SRCIN1: variants seen among roughly 807,000 people sequenced by gnomAD.
SRCIN1 encodes the protein SRC kinase signaling inhibitor 1, also known as P130Cas-associated protein.
A neutral mutation model predicts 116.2 loss-of-function variants in SRCIN1; 50 were observed. That is an observed-to-expected ratio of 0.43 (90% CI 0.34 to 0.54). SRCIN1 has a LOEUF of 0.54. SRCIN1 is among the 20% of genes least tolerant of loss of function. The pLI is 0.02. For synonymous variants in SRCIN1, 736 were observed against 750.0 expected, an observed-to-expected ratio of 0.98 and a Z score of 0.30; for missense variants, 1,446 against 1,672.0, an observed-to-expected ratio of 0.86 and a Z score of 2.36.
At chr17:38,550,708 C>T (rs999805791) in intron 15 of SRCIN1, among the ~76,000 whole-genome samples, 1 of 152,146 alleles carries the variant, frequency 6.6e-6, no homozygotes, top group Non-Finnish European at 1.5e-5. Flanking sequence ...ATATGCATTG[C>T]AGGAATGAAT....
At position 38,533,123 on chromosome 17, in the gene SRCIN1, AACACC is replaced by A; in HGVS notation, c.*169_*173del. ...AAAAAAAAAAAAAAACAAAACCAAAAACACCAACAGATGATGGGTAGGGGTCGCTG... is the reference window on the plus strand; with the variant it reads ...AAAAAAAAAAAAAAACAAAACCAAAAAACAGATGATGGGTAGGGGTCGCTG... On this transcript the variant is annotated 3_prime_UTR_variant, in exon 19 of 19. Transcript: ENST00000617146. 1 of 562,054 alleles carries A rather than the reference AACACC, an allele frequency of 1.8e-6. No individual in the cohort carries two copies. Among genetic ancestry groups the A allele is most frequent in the Non-Finnish European group, 2.6e-6 (1 of 381,664 alleles). 34.8% of individuals were successfully genotyped at this position (562,054 alleles called of 1,614,324 possible).
intron 2 of SRCIN1, among the ~76,000 whole-genome samples, chr17:38,576,278 C>A (rs928193894): frequency 5.3e-5 from 8 of 152,242 alleles, no homozygotes; most frequent in South Asian, 4.1e-4. Context: ...TTTACCACAC[C>A]ACGAGACACA....
At chr17:38,575,820 G>A (rs1469448080) in intron 2 of SRCIN1, among the ~76,000 whole-genome samples, 3 of 152,110 alleles carry the variant, frequency 2.0e-5, no homozygotes, top group Non-Finnish European at 4.4e-5. Flanking sequence ...TCTAGGACCT[G>A]TTTCCCGTGG....
intron 1 of SRCIN1, among the ~76,000 whole-genome samples, chr17:38,583,551 T>TTTTG (rs747922749): frequency 0.06 from 6,386 of 107,034 alleles, 207 homozygotes; most frequent in South Asian, 0.1. Context: ...ATTTTCTGTT[T>TTTTG]TTTTTTTTTT....
At chr17:38,598,200 T>C (rs1243040900) in intron 1 of SRCIN1, among the ~76,000 whole-genome samples, 2 of 151,784 alleles carry the variant, frequency 1.3e-5, no homozygotes, top group Non-Finnish European at 2.9e-5. Context: ...GGGACAAGAA[T>C]GGGGGACTCA....
In SRCIN1 at chr17:38,552,840, C is replaced by T. The variant is rs529942999; in HGVS notation, c.2217G>A (p.Ser739=). ...ACACGTCTCTCTGGATCTTCTCCACCGATTTCTCCAGGTCACTGCAGCCAC... is the reference window on the plus strand; with the variant it reads ...ACACGTCTCTCTGGATCTTCTCCACTGATTTCTCCAGGTCACTGCAGCCAC... ...ITQQLNDLEK[S]VEKIQRDVSH... Residue 739 remains serine (S), a synonymous_variant, in exon 12 of 19, where the codon TCG becomes TCA. Coordinates refer to ENST00000617146, the MANE Select transcript of SRCIN1 (RefSeq NM_025248.3). The surrounding 1 kb of genome is among the most constrained non-coding windows in gnomAD (Gnocchi z 5.3). 30 of 1,613,946 alleles carry T rather than the reference C, an allele frequency of 1.9e-5. No homozygotes were observed. Among genetic ancestry groups the T allele is most frequent in the African/African-American group, 1.3e-4 (10 of 75,046 alleles).
Position 38,552,974 on chromosome 17 carries a change from G to T in SRCIN1, c.2202-119C>A. 1 of 1,471,258 alleles carries T rather than the reference G, an allele frequency of 6.8e-7. No individual in the cohort carries two copies. Among genetic ancestry groups the T allele is most frequent in the Non-Finnish European group, 9.1e-7 (1 of 1,099,152 alleles). 91.1% of individuals were successfully genotyped at this position (1,471,258 alleles called of 1,614,324 possible). ...GTTGGATCGAAAGTAAAAGCAGGAG[G>T]CTGGGCACCGTGGCTCACGCCCGTA... On this transcript the variant is annotated intron_variant, in intron 11 of 18. Coordinates refer to ENST00000617146, the MANE Select transcript of SRCIN1 (RefSeq NM_025248.3). The surrounding 1 kb of genome is among the most constrained non-coding windows in gnomAD (Gnocchi z 5.3).
chr17:38,605,483 G>A (rs924167039), intron 1 of SRCIN1, among the ~76,000 whole-genome samples: 2 of 149,540 alleles, frequency 1.3e-5, no homozygotes, highest in African/African-American at 4.9e-5. Context: ...TCTCGCCCGG[G>A]TCCTTCTCCC....
Position 38,568,292 on chromosome 17 carries a change from C to A in SRCIN1, c.325-61G>T, listed in dbSNP as rs1424186189. 5 of 1,567,686 alleles carry A rather than the reference C, an allele frequency of 3.2e-6. No homozygotes were observed. The highest frequency in any genetic ancestry group is 1.8e-5 in the Admixed American group (1 of 56,952). ...GGGGCCCAGGAGGGGAAAAGAGGGGCAGGGGCAGGTTAGAGACCCTTGGAA... is the reference window on the plus strand; with the variant it reads ...GGGGCCCAGGAGGGGAAAAGAGGGGAAGGGGCAGGTTAGAGACCCTTGGAA... On this transcript the variant is annotated intron_variant, in intron 2 of 18. Coordinates refer to ENST00000617146, the MANE Select transcript of SRCIN1 (RefSeq NM_025248.3). The surrounding 1 kb of genome is among the most constrained non-coding windows in gnomAD (Gnocchi z 4.5).
upstream of SRCIN1, among the ~76,000 whole-genome samples, chr17:38,606,178 GCTTCGTCCCACC>G: frequency 6.6e-6 from 1 of 151,808 alleles, no homozygotes; most frequent in African/African-American, 2.4e-5. This position sits in a 1 kb window ranked among gnomAD's most constrained non-coding sequence, Gnocchi z 5.2. Context: ...CGCGCCACCT[GCTTCGTCCCACC>G]CCAAGTAGTC....
At position 38,586,282 on chromosome 17, in the gene SRCIN1, C is replaced by A. The variant is rs191881801; in HGVS notation, c.23-7491G>T. ...CGAGGCCAGGGAGGATCGAGGCCAT[C>A]CCCCCAGCGTGGGCCCTGCCCACTC... On this transcript the variant is annotated intron_variant, in intron 1 of 18. Transcript: ENST00000617146. 1.2e-3 allele frequency among the ~76,000 whole-genome samples: 190 copies of A among 152,294 alleles called. 1 individual carries two copies. Among genetic ancestry groups the A allele is most frequent in the African/African-American group, 4.4e-3 (182 of 41,568 alleles).
rs1906317098 is a variant in SRCIN1, at chr17:38,562,225, G to A, written c.938C>T (p.Pro313Leu). 1 of 1,444,300 alleles carries A rather than the reference G, an allele frequency of 6.9e-7. No homozygotes were observed. Among genetic ancestry groups the A allele is most frequent in the Non-Finnish European group, 9.0e-7 (1 of 1,108,532 alleles). The allele number at this position is 1,444,300 out of a possible 1,614,324, so 89.5% of individuals were successfully genotyped here. A position where few individuals can be genotyped will look rare whatever the true frequency, so the allele number is the denominator to read the frequency against. The change falls in exon 7 of 19, where the codon CCG (proline) becomes CTG (leucine). Residue 313 changes from proline (P) to leucine (L), a missense_variant. Physicochemically the swap from Pro to Leu is moderately conservative, Grantham distance 98 (BLOSUM62 -3). This residue lies in a region of SRCIN1 where 239 missense variants were observed against 317.7 expected (regional missense o/e 0.75). Transcript: ENST00000617146. This position sits in a 1 kb window ranked among gnomAD's most constrained non-coding sequence, Gnocchi z 4.2. ...CTGCAGCCCGGACGGCAGCCCCGACGGCAGCCCGGGCGGCGGCGAGCCGGA... is the reference window on the plus strand; with the variant it reads ...CTGCAGCCCGGACGGCAGCCCCGACAGCAGCCCGGGCGGCGGCGAGCCGGA... ...LASGSPPPGL[P>L]SGLPSGLQSG...
rs533924905 is a variant in SRCIN1 at position 38,563,584 on chromosome 17, C to G, written c.542-63G>C. 6.5e-6 allele frequency: 10 copies of G among 1,533,888 alleles called. No individual in the cohort carries two copies. The highest frequency in any genetic ancestry group is 8.7e-6 in the Non-Finnish European group (10 of 1,143,434). On this transcript the variant is annotated intron_variant, in intron 4 of 18. Coordinates refer to ENST00000617146, the MANE Select transcript of SRCIN1 (RefSeq NM_025248.3). This position sits in a 1 kb window ranked among gnomAD's most constrained non-coding sequence, Gnocchi z 5.8. ...GTCTCCACGCCGCCCTCCAGGAGAG[C>G]GCGGGGAGCTTTTCGGAGCTGCGCC...
chr17:38,550,416 C>T (rs1349085928), intron 15 of SRCIN1, among the ~76,000 whole-genome samples: 1 of 152,132 alleles, frequency 6.6e-6, no homozygotes, highest in Non-Finnish European at 1.5e-5. Flanking sequence ...ATGGCGAGAA[C>T]CCAGGAGGCG....
At chr17:38,559,153 A>T in intron 10 of SRCIN1, 1 of 193,852 alleles carries the variant, frequency 5.2e-6, no homozygotes, top group Middle Eastern at 2.0e-3. Flanking sequence ...AGGGCCGGGG[A>T]GACTGTTGGG....
rs761480702 is a variant in SRCIN1, at chr17:38,559,716, G to A, written c.1894C>T (p.Pro632Ser). The A allele has an allele frequency of 3.8e-6, 6 of 1,571,364 alleles. No homozygotes were observed. The highest frequency in any genetic ancestry group is 4.3e-6 in the Non-Finnish European group (5 of 1,166,514). Residue 632 changes from proline to serine, a missense_variant, in exon 10 of 19, where the codon CCC (proline) becomes TCC (serine). Around this residue, in one of 5 missense-constraint regions of SRCIN1, gnomAD observed 398 missense variants for 385.6 expected, o/e 1.03. Coordinates refer to ENST00000617146, the MANE Select transcript of SRCIN1 (RefSeq NM_025248.3). ...GATPVSGPPP[P>S]SASSTPAGQP... Reference sequence around the variant, plus strand: ...CCTGCGGGGGTGCTGCTGGCCGAGGGCGGGGGCGGGCCGGACACCGGGGTG... The same window carrying A: ...CCTGCGGGGGTGCTGCTGGCCGAGGACGGGGGCGGGCCGGACACCGGGGTG...
At chr17:38,590,830 A>T (rs537838510) in intron 1 of SRCIN1, among the ~76,000 whole-genome samples, 46 of 152,134 alleles carry the variant, frequency 3.0e-4, no homozygotes, top group Non-Finnish European at 6.0e-4. Context: ...ATCTGTGAGT[A>T]CTCATCTAAG....
At chr17:38,570,545 G>T (rs1316164235) in intron 2 of SRCIN1, among the ~76,000 whole-genome samples, 2 of 152,230 alleles carry the variant, frequency 1.3e-5, no homozygotes, top group African/African-American at 4.8e-5. Context: ...AAGTCAGGGA[G>T]GTGACCTCTG....
chr17:38,541,982 C>CAG (rs749250834), intron 18 of SRCIN1: 4 of 152,102 alleles, frequency 2.6e-5, no homozygotes, highest in Non-Finnish European at 4.4e-5. Context: ...GAAAGGAGCC[C>CAG]AGAGGCTCCA....
Sources: allele counts gnomAD v4.1 joint callset (sites outside exome capture counted in the v4.1 genomes callset), GRCh38; gene constraint gnomAD v4.1.1; regional missense constraint gnomAD v4.1.1; non-coding constraint Gnocchi (gnomAD v3.1); transcripts MANE v1.5; gene names NCBI Gene and HGNC (gene_info 2026-07-23, HGNC 2026-07-21).